The following HHLA2 variants were observed in gnomAD, a reference collection of about 807,000 sequenced individuals.
The protein encoded by HHLA2 is HHLA2 member of B7 family.
HHLA2 carries 48 observed loss-of-function variants against 45.9 expected under a neutral mutation model. That is an observed-to-expected ratio of 1.05 (90% CI 0.83 to 1.33). The LOEUF is 1.33. Ranked by LOEUF, HHLA2 falls within the 40% of genes most tolerant of loss-of-function variation. The pLI, the probability that HHLA2 is intolerant of heterozygous loss-of-function variation, is 0.00. For missense variants in HHLA2, 462 were observed against 494.3 expected (o/e 0.93, Z 0.62); for synonymous variants, 161 against 173.9 (o/e 0.93, Z 0.59).
At chr3:108,330,685 CCAA>C (rs1358740268) in intron 3 of HHLA2, among the ~76,000 whole-genome samples, 2 of 152,114 alleles carry the variant, frequency 1.3e-5, no homozygotes, top group East Asian at 1.9e-4. Context: ...CTGAATTCTG[CCAA>C]CAACAAGTGA....
rs988721807 is a variant in HHLA2 at position 108,322,167 on chromosome 3, G to C, written c.-104-6103G>C. ...CTGCTTAACATTAAGAATGAGGGAA[G>C]CTTATTGGAGGCTCTAAGAGCTCGG... On this transcript the variant is annotated intron_variant, in intron 2 of 10. Coordinates refer to ENST00000619531, the Ensembl canonical transcript of HHLA2. 1.2e-4 allele frequency among the ~76,000 whole-genome samples: 18 copies of C among 152,298 alleles called. No individual in the cohort carries two copies. In the East Asian group the frequency reaches 3.1e-3, roughly 26 times the overall value.
At chr3:108,348,067 G>C (rs1338579353) in intron 3 of HHLA2, among the ~76,000 whole-genome samples, 1 of 152,056 alleles carries the variant, frequency 6.6e-6, no homozygotes, top group Non-Finnish European at 1.5e-5. Flanking sequence ...AGATAAGTTT[G>C]AGAATCCTTG....
intron 2 of HHLA2, among the ~76,000 whole-genome samples, chr3:108,324,569 A>G (rs1013794146): frequency 6.6e-6 from 1 of 152,078 alleles, no homozygotes; most frequent in Non-Finnish European, 1.5e-5. Context: ...CCAAGTCACT[A>G]CCTTCTCTGT....
Position 108,358,012 on chromosome 3 carries a change from A to G in HHLA2, c.854A>G (p.Glu285Gly), listed in dbSNP as rs763240670. ...TCCTCACAAAATACAATTATCAATGAATCCCGATTCTCATGGAACAAAGAG... is the reference window on the plus strand; with the variant it reads ...TCCTCACAAAATACAATTATCAATGGATCCCGATTCTCATGGAACAAAGAG... Residue 285 changes from glutamate to glycine, a missense_variant, in exon 7 of 11, where the codon GAA becomes GGA. Glu to Gly is a moderately conservative substitution (Grantham distance 98, BLOSUM62 -2). Coordinates refer to ENST00000619531, the Ensembl canonical transcript of HHLA2. 1.2e-6 allele frequency: 2 copies of G among 1,613,684 alleles called. No individual in the cohort carries two copies. The highest frequency in any genetic ancestry group is 1.7e-6 in the Non-Finnish European group (2 of 1,179,726).
intron 9 of HHLA2, among the ~76,000 whole-genome samples, chr3:108,376,085 T>C (rs754859978): frequency 1.3e-5 from 2 of 152,214 alleles, no homozygotes; most frequent in Non-Finnish European, 2.9e-5. Flanking sequence ...GTCTAAGATA[T>C]GTATTAAAGG....
intron 3 of HHLA2, among the ~76,000 whole-genome samples, chr3:108,350,094 G>A (rs3996048): frequency 0.5 from 76,156 of 151,736 alleles, 19,935 homozygotes; most frequent in Non-Finnish European, 0.58. Flanking sequence ...TGAGTTTAAT[G>A]ATTACTTGTA....
intron 1 of HHLA2, among the ~76,000 whole-genome samples, chr3:108,296,912 C>T (rs751004174): frequency 6.6e-6 from 1 of 152,058 alleles, no homozygotes; most frequent in Non-Finnish European, 1.5e-5. Context: ...AAATTATCTG[C>T]GAACTTTAAA....
intron 1 of HHLA2, among the ~76,000 whole-genome samples, chr3:108,298,631 T>C (rs2080801747): frequency 6.6e-6 from 1 of 152,226 alleles, no homozygotes; most frequent in East Asian, 1.9e-4. Context: ...GTATTGCATC[T>C]TTTTCTGTTG....
chr3:108,304,308 C>T (rs1560180534), intron 1 of HHLA2, among the ~76,000 whole-genome samples: 1 of 152,136 alleles, frequency 6.6e-6, no homozygotes, highest in Non-Finnish European at 1.5e-5. Flanking sequence ...AAAAACATAT[C>T]CTCTCAGTTC....
chr3:108,304,198 A>T (rs1419898482), intron 1 of HHLA2, among the ~76,000 whole-genome samples: 1 of 152,130 alleles, frequency 6.6e-6, no homozygotes. Flanking sequence ...CTTCCCAGTC[A>T]AGAAAGAAAG....
At chr3:108,353,870 C>A in intron 5 of HHLA2, 90 bp downstream of exon 4, 1 of 901,774 alleles carries the variant, frequency 1.1e-6, no homozygotes, top group Non-Finnish European at 1.7e-6. Flanking sequence ...CATGAGCTTC[C>A]TTCCAAGTCA....
rs1196044048 is a variant in HHLA2 at position 108,362,454 on chromosome 3, A to G, written c.1108+8A>G. On this transcript the variant is annotated splice_region_variant and intron_variant, in intron 8 of 10. Coordinates refer to ENST00000619531, the Ensembl canonical transcript of HHLA2. ...GCGTAAAATGTTGCAGAGGTAATAGAAGAATTTGGGCTCTGCCCCACGTGT... is the reference window on the plus strand; with the variant it reads ...GCGTAAAATGTTGCAGAGGTAATAGGAGAATTTGGGCTCTGCCCCACGTGT... 6 of 1,585,558 alleles carry G rather than the reference A, an allele frequency of 3.8e-6. No homozygotes were observed. Among genetic ancestry groups the G allele is most frequent in the Non-Finnish European group, 5.2e-6 (6 of 1,158,832 alleles).
chr3:108,314,656 A>G (rs2107322639), intron 2 of HHLA2, among the ~76,000 whole-genome samples: 1 of 152,242 alleles, frequency 6.6e-6, no homozygotes, highest in African/African-American at 2.4e-5. Context: ...CTGTGAACGA[A>G]TATTTGTGTA....
At chr3:108,298,992 A>G (rs753556359) in intron 1 of HHLA2, among the ~76,000 whole-genome samples, 16 of 152,224 alleles carry the variant, frequency 1.1e-4, no homozygotes, top group Non-Finnish European at 2.2e-4. Flanking sequence ...ACCTTCGAGA[A>G]ATGAGATCCT....
chr3:108,321,094 A>AAAAG, intron 2 of HHLA2, among the ~76,000 whole-genome samples: 1 of 109,806 alleles, frequency 9.1e-6, no homozygotes, highest in East Asian at 8.6e-4. Flanking sequence ...AGGTGTTTAA[A>AAAAG]AAAAAAAAAA....
rs958427339 is a variant in HHLA2, at chr3:108,351,785, T to G, written c.-26-3T>G. On this transcript the variant is annotated splice_region_variant and splice_polypyrimidine_tract_variant and intron_variant, in intron 3 of 10. Transcript: ENST00000619531. Reference sequence around the variant, plus strand: ...ACATGTGCACTTTACTTCTCTTTGATAGCATGACTAATATGTTCTGCACAA... The same window carrying G: ...ACATGTGCACTTTACTTCTCTTTGAGAGCATGACTAATATGTTCTGCACAA... 6.2e-7 allele frequency: 1 copy of G among 1,602,290 alleles called. No individual in the cohort carries two copies. Among genetic ancestry groups the G allele is most frequent in the African/African-American group, 1.3e-5 (1 of 74,688 alleles).
At chr3:108,323,361 G>C (rs571776831) in intron 2 of HHLA2, among the ~76,000 whole-genome samples, 1 of 152,096 alleles carries the variant, frequency 6.6e-6, no homozygotes, top group African/African-American at 2.4e-5. Flanking sequence ...ATGCATGCCT[G>C]TATCAAAACT....
chr3:108,299,151 A>G (rs1044848701), intron 1 of HHLA2, among the ~76,000 whole-genome samples: 1 of 152,160 alleles, frequency 6.6e-6, no homozygotes, highest in African/African-American at 2.4e-5. Context: ...TAATGTTACT[A>G]TGACCAACTT....
chr3:108,376,353 T>A, intron 9 of HHLA2, 140 bp from the exon 9 acceptor site: 1 of 628,116 alleles, frequency 1.6e-6, no homozygotes, highest in Non-Finnish European at 2.7e-6. Flanking sequence ...CTGAATGCAT[T>A]TTTCATGTTG....
Sources: gnomAD v4.1 joint callset for allele counts (sites outside exome capture counted in the v4.1 genomes callset) on GRCh38, gnomAD v4.1.1 for gene constraint, MANE v1.5 for transcripts, NCBI Gene and HGNC (gene_info 2026-07-23, HGNC 2026-07-21) for gene names.